DPYS: variants seen among roughly 807,000 people sequenced by gnomAD.
DPYS encodes the protein dihydropyrimidinase, also known as dihydropyrimidine amidohydrolase.
DPYS carries 39 observed loss-of-function variants against 50.3 expected under a neutral mutation model. The ratio of observed to expected loss-of-function variants is 0.78; its 90% CI spans 0.60 to 1.01. The LOEUF (loss-of-function observed/expected upper bound fraction) is 1.01. Among genes scored for constraint, DPYS ranks in the 50% least tolerant of loss-of-function variants. The pLI, the probability that DPYS is intolerant of heterozygous loss-of-function variation, is 0.00. For synonymous variants in DPYS, 245 were observed against 250.7 expected, an observed-to-expected ratio of 0.98 and a Z score of 0.22; for missense variants, 659 against 680.9, an observed-to-expected ratio of 0.97 and a Z score of 0.36.
At chr8:104,440,186 T>C (rs1284087946) in intron 4 of DPYS, among the ~76,000 whole-genome samples, 1 of 152,228 alleles carries the variant, frequency 6.6e-6, no homozygotes, top group African/African-American at 2.4e-5. Flanking sequence ...GTTGTTATCA[T>C]TACTATCCCG....
At chr8:104,394,668 G>C (rs1428459531) in intron 7 of DPYS, among the ~76,000 whole-genome samples, 1 of 151,528 alleles carries the variant, frequency 6.6e-6, no homozygotes, top group Non-Finnish European at 1.5e-5. Context: ...TAAAAATGAA[G>C]ATCAGATCAT....
In DPYS at chr8:104,456,910, C is replaced by T. The variant is rs575684182; in HGVS notation, c.265-5506G>A. On this transcript the variant is annotated intron_variant, in intron 1 of 9. Transcript: ENST00000351513. Reference sequence around the variant, plus strand: ...TCTAACAGTGGGTCATAATATTACACAAGATTTTGTTTAAGAATATTCCAT... The same window carrying T: ...TCTAACAGTGGGTCATAATATTACATAAGATTTTGTTTAAGAATATTCCAT... 3.3e-5 allele frequency among the ~76,000 whole-genome samples: 5 copies of T among 152,298 alleles called. 1 individual carries two copies. The highest frequency in any genetic ancestry group is 9.6e-5 in the African/African-American group (4 of 41,562).
At chr8:104,406,261 G>T (rs1434289200) in intron 7 of DPYS, among the ~76,000 whole-genome samples, 1 of 152,180 alleles carries the variant, frequency 6.6e-6, no homozygotes, top group African/African-American at 2.4e-5. Flanking sequence ...CCAGATGTGT[G>T]AACCGGGACA....
chr8:104,447,218 C>G, intron 3 of DPYS, 106 bp downstream of exon 3: 1 of 1,388,862 alleles, frequency 7.2e-7, no homozygotes, highest in African/African-American at 1.4e-5. Context: ...CTGGATTTCT[C>G]ATCTTCCAAT....
chr8:104,393,748 A>C (rs1311907906), intron 7 of DPYS, among the ~76,000 whole-genome samples: 1 of 152,244 alleles, frequency 6.6e-6, no homozygotes, highest in African/African-American at 2.4e-5. Context: ...TTAAATGGAA[A>C]AGAAAAAAAT....
chr8:104,416,964 C>G lies in DPYS; in HGVS notation c.1235+7283G>C, dbSNP rs1394724988. On this transcript the variant is annotated intron_variant, in intron 7 of 9. Transcript: ENST00000351513. ...CCTCTAGAATCCAGAAGGGCACCAT[C>G]ATAAGCCGCAAGCCATTACTCTTCA... Among the ~76,000 whole-genome samples, 4 of 152,078 alleles carry G rather than the reference C, an allele frequency of 2.6e-5. No individual in the cohort carries two copies. The East Asian group carries it at 5.8e-4, about 22-fold the overall frequency.
chr8:104,434,394 T>C (rs1039654901), intron 4 of DPYS, among the ~76,000 whole-genome samples: 1 of 152,148 alleles, frequency 6.6e-6, no homozygotes, highest in African/African-American at 2.4e-5. Flanking sequence ...GAGGACATAA[T>C]GAGGCATGTC....
intron 3 of DPYS, among the ~76,000 whole-genome samples, chr8:104,447,088 G>A (rs1813554049): frequency 6.6e-6 from 1 of 152,154 alleles, no homozygotes. Context: ...TTGCAAAGGG[G>A]AAATCCTCAT....
At chr8:104,431,819 G>C (rs935695278) in intron 4 of DPYS, among the ~76,000 whole-genome samples, 7 of 152,166 alleles carry the variant, frequency 4.6e-5, no homozygotes, top group African/African-American at 1.7e-4. Flanking sequence ...CTGGCACTAA[G>C]TTGTACAGCC....
intron 9 of DPYS, among the ~76,000 whole-genome samples, chr8:104,380,263 T>C (rs1408997350): frequency 6.6e-6 from 1 of 152,176 alleles, no homozygotes; most frequent in Non-Finnish European, 1.5e-5. Flanking sequence ...AGTGCCTGAA[T>C]ATGTAGAAAA....
chr8:104,446,233 CACT>C (rs2140714048), intron 3 of DPYS, among the ~76,000 whole-genome samples: 1 of 152,120 alleles, frequency 6.6e-6, no homozygotes, highest in East Asian at 1.9e-4. Context: ...TAAATATATA[CACT>C]ACTATGTACC....
In DPYS at chr8:104,424,333, G is replaced by A; in HGVS notation, c.1149C>T (p.Ala383=). 1 of 1,614,002 alleles carries A rather than the reference G, an allele frequency of 6.2e-7. No homozygotes were observed. The highest frequency in any genetic ancestry group is 8.5e-7 in the Non-Finnish European group (1 of 1,179,988). The change falls in exon 7 of 10, where the codon GCC becomes GCT. Residue 383 remains alanine (A), a synonymous_variant. Coordinates refer to ENST00000351513, the MANE Select transcript of DPYS (RefSeq NM_001385.3). ...RFVAVTSTNA[A]KIFNLYPRKG... ...TTCTTGGATAGAGATTAAAAATTTTGGCTGCATTTGTGCTGGTAACTGCCA... is the reference window on the plus strand; with the variant it reads ...TTCTTGGATAGAGATTAAAAATTTTAGCTGCATTTGTGCTGGTAACTGCCA...
Position 104,444,521 on chromosome 8 carries a change from A to G in DPYS, c.604-84T>C, listed in dbSNP as rs138369747. 1.3e-3 allele frequency: 1,944 copies of G among 1,488,900 alleles called. 11 individuals are homozygous for G. In the African/African-American group the frequency reaches 0.023, roughly 18 times the overall value. The allele number at this position is 1,488,900 out of a possible 1,614,324, so 92.2% of individuals were successfully genotyped here. ...ATTATTTTATCATAAATTAAATGCA[A>G]TGCCAGGCTTTTGATCTGTTAGGTA... On this transcript the variant is annotated intron_variant, in intron 3 of 9. Transcript: ENST00000351513.
intron 2 of DPYS, among the ~76,000 whole-genome samples, chr8:104,450,458 G>A (rs1813700723): frequency 6.6e-6 from 1 of 152,338 alleles, no homozygotes; most frequent in Admixed American, 6.5e-5. Flanking sequence ...AAAGATTGCT[G>A]AATTAAGTGC....
intron 7 of DPYS, among the ~76,000 whole-genome samples, chr8:104,396,510 T>A (rs377147256): frequency 6.6e-5 from 10 of 152,206 alleles, no homozygotes; most frequent in African/African-American, 2.4e-4. Flanking sequence ...AAGTCTATCC[T>A]ATAGAATATT....
intron 7 of DPYS, among the ~76,000 whole-genome samples, chr8:104,398,330 G>C (rs1445324573): frequency 1.3e-5 from 2 of 152,228 alleles, no homozygotes; most frequent in Non-Finnish European, 2.9e-5. Flanking sequence ...GAGCTCCACT[G>C]CAGTGAGGTG....
chr8:104,463,105 G>A (rs776061082), intron 1 of DPYS, among the ~76,000 whole-genome samples: 12 of 152,154 alleles, frequency 7.9e-5, no homozygotes, highest in Non-Finnish European at 1.2e-4. Context: ...TATTATAAAT[G>A]ATCAGCCTGC....
intron 7 of DPYS, among the ~76,000 whole-genome samples, chr8:104,399,293 A>C (rs1231482155): frequency 3.0e-5 from 1 of 33,208 alleles, no homozygotes. Flanking sequence ...TCCATCTCAA[A>C]AAAAAAAAAA....
intron 6 of DPYS, among the ~76,000 whole-genome samples, chr8:104,427,076 C>CTGTA (rs1174396874): frequency 2.0e-5 from 3 of 151,476 alleles, no homozygotes; most frequent in African/African-American, 4.8e-5. Flanking sequence ...TGGTGCACAT[C>CTGTA]TGTAATCCCA....
Sources: gnomAD v4.1 joint callset for allele counts (sites outside exome capture counted in the v4.1 genomes callset) on GRCh38, gnomAD v4.1.1 for gene constraint, MANE v1.5 for transcripts, NCBI Gene and HGNC (gene_info 2026-07-23, HGNC 2026-07-21) for gene names.